CFLAR: variants seen among roughly 807,000 people sequenced by gnomAD.
The protein encoded by CFLAR is CASP8 and FADD-like apoptosis regulator.
Under a neutral mutation model 51.1 loss-of-function variants are expected in CFLAR, and 14 were observed. That is an observed-to-expected ratio of 0.27 (90% confidence interval 0.18 to 0.43). CFLAR has a LOEUF of 0.43. CFLAR is among the 20% of genes least tolerant of loss of function. CFLAR has a pLI of 1.00. For synonymous variants in CFLAR, 210 were observed against 211.6 expected, an observed-to-expected ratio of 0.99 and a Z score of 0.06; for missense variants, 390 against 566.5, an observed-to-expected ratio of 0.69 and a Z score of 3.16.
At chr2:201,161,738 CTTTTTTTTTTTT>C (rs3044256) in intron 9 of CFLAR, among the ~76,000 whole-genome samples, 10 of 101,270 alleles carry the variant, frequency 9.9e-5, no homozygotes, top group South Asian at 4.1e-4. Context: ...TTTAATTTTT[CTTTTTTTTTTTT>C]TTTTTTTTTT....
In CFLAR at chr2:201,164,127, T is replaced by C; in HGVS notation, c.*154T>C. 1.8e-6 allele frequency: 1 copy of C among 545,760 alleles called. No homozygotes were observed. The highest frequency in any genetic ancestry group is 3.2e-6 in the Non-Finnish European group (1 of 316,464). 33.8% of individuals were successfully genotyped at this position (545,760 alleles called of 1,614,324 possible). ...TAAAAATACAAAAATTAGCTGGGTG[T>C]GGGTGTGGGTACCTGTATTCCCAGT... On this transcript the variant is annotated 3_prime_UTR_variant, in exon 10 of 10. Transcript: ENST00000309955.
At chr2:201,122,119 C>T (rs1200793025) in intron 1 of CFLAR, among the ~76,000 whole-genome samples, 1 of 152,234 alleles carries the variant, frequency 6.6e-6, no homozygotes, top group Non-Finnish European at 1.5e-5. Context: ...ACTCAGGCAG[C>T]TTGACCTGTT....
intron 3 of CFLAR, among the ~76,000 whole-genome samples, chr2:201,134,145 C>A (rs1187414013): frequency 6.6e-6 from 1 of 151,036 alleles, no homozygotes; most frequent in East Asian, 2.0e-4. Flanking sequence ...TCCGTCTCTA[C>A]TAAAAATACA....
At position 201,161,738 on chromosome 2, in the gene CFLAR, CTTTTTTTTTT is replaced by C. The variant is rs3044256; in HGVS notation, c.1304+812_1304+821del. 4.4e-4 allele frequency among the ~76,000 whole-genome samples: 45 copies of C among 101,272 alleles called. No homozygotes were observed. The South Asian group carries it at 0.011, about 26-fold the overall frequency. The allele number at this position is 101,272 out of a possible 152,430, so 66.4% of individuals were successfully genotyped here. ...CCACAAATTTTTATTTTTAATTTTT[CTTTTTTTTTT>C]TTTTTTTTTTTTTTTGAGACAGAGT... On this transcript the variant is annotated intron_variant, in intron 9 of 9. Coordinates refer to ENST00000309955, the MANE Select transcript of CFLAR (RefSeq NM_003879.7).
Position 201,174,860 on chromosome 2 carries a change from C to A in CFLAR, c.*10887C>A, listed in dbSNP as rs1404614030. ...GACCACAAGACCCTGTAAGACCCTG[C>A]TGATAAGACAGGATGTGGTAGAAAG... On this transcript the variant is annotated 3_prime_UTR_variant, in exon 10 of 10. Coordinates refer to ENST00000309955, the MANE Select transcript of CFLAR (RefSeq NM_003879.7). The A allele has an allele frequency of 6.6e-6, 1 of 152,202 alleles. No individual in the cohort carries two copies. The highest frequency in any genetic ancestry group is 2.4e-5 in the African/African-American group (1 of 41,444). The allele number at this position is 152,202 out of a possible 1,614,324, so 9.4% of individuals were successfully genotyped here.
At chr2:201,161,733 TTTTTC>T (rs1396801657) in intron 9 of CFLAR, among the ~76,000 whole-genome samples, 1 of 80,548 alleles carries the variant, frequency 1.2e-5, no homozygotes, top group Non-Finnish European at 2.5e-5. Flanking sequence ...TTATTTTTAA[TTTTTC>T]TTTTTTTTTT....
At position 201,138,447 on chromosome 2, in the gene CFLAR, A is replaced by G. The variant is rs7573256; in HGVS notation, c.524-1910A>G. 166,955 of 850,946 alleles carry G rather than the reference A, an allele frequency of 0.2. 19,559 individuals are homozygous for G. Among genetic ancestry groups the G allele is most frequent in the African/African-American group, 0.42 (25,703 of 60,478 alleles). The allele number at this position is 850,946 out of a possible 1,614,324, so 52.7% of individuals were successfully genotyped here. A position where few individuals can be genotyped will look rare whatever the true frequency, so the allele number is the denominator to read the frequency against. On this transcript the variant is annotated intron_variant, in intron 4 of 9. Coordinates refer to ENST00000309955, the MANE Select transcript of CFLAR (RefSeq NM_003879.7). The surrounding 1 kb of genome is among the most constrained non-coding windows in gnomAD (Gnocchi z 4.0). ...TTGACGATAGGCAGCTTCCTTTCTT[A>G]CTAAGCTGCAGGATCTCATTTGCCT... is the stretch of plus-strand genomic sequence containing the variant.
At chr2:201,146,323 T>C (rs1940158764) in intron 6 of CFLAR, 1 of 152,132 alleles carries the variant, frequency 6.6e-6, no homozygotes, top group Non-Finnish European at 1.5e-5. Flanking sequence ...ATTTTTGTAT[T>C]TTTAGTAGAG....
At chr2:201,150,844 A>G (rs144956874) in intron 8 of CFLAR, among the ~76,000 whole-genome samples, 9 of 152,284 alleles carry the variant, frequency 5.9e-5, no homozygotes, top group Non-Finnish European at 1.3e-4. Flanking sequence ...GTCAGGAGGA[A>G]ATGAAATGGA....
chr2:201,136,228 C>A, intron 4 of CFLAR, 121 bp downstream of exon 4: 1 of 1,608,024 alleles, frequency 6.2e-7, no homozygotes, highest in East Asian at 2.2e-5. Flanking sequence ...ATGACCAAAG[C>A]CTCCTTTAGC....
intron 9 of CFLAR, chr2:201,163,500 A>G (rs1575976417): frequency 1.8e-6 from 2 of 1,134,908 alleles, no homozygotes; most frequent in South Asian, 5.1e-5. Flanking sequence ...GGGTTAGAGC[A>G]GGAGCCACTC....
Position 201,133,026 on chromosome 2 carries a change from C to T in CFLAR, c.282-3C>T. On this transcript the variant is annotated splice_region_variant and splice_polypyrimidine_tract_variant and intron_variant, in intron 2 of 9. Coordinates refer to ENST00000309955, the MANE Select transcript of CFLAR (RefSeq NM_003879.7). Reference sequence around the variant, plus strand: ...TAACTAAATGAACTTGTCTGGTTTGCAGAGTGCTGATGGCAGAGATTGGTG... The same window carrying T: ...TAACTAAATGAACTTGTCTGGTTTGTAGAGTGCTGATGGCAGAGATTGGTG... The T allele has an allele frequency of 6.2e-7, 1 of 1,606,200 alleles. No homozygotes were observed. The highest frequency in any genetic ancestry group is 8.5e-7 in the Non-Finnish European group (1 of 1,173,352).
intron 2 of CFLAR, chr2:201,132,659 G>C (rs988171601): frequency 9.9e-5 from 17 of 171,104 alleles, no homozygotes; most frequent in Non-Finnish European, 2.0e-4. Flanking sequence ...AACAGAGAAG[G>C]CTACTTCAAA....
intron 8 of CFLAR, among the ~76,000 whole-genome samples, chr2:201,155,417 A>G (rs1055917690): frequency 2.0e-5 from 3 of 151,926 alleles, no homozygotes; most frequent in Non-Finnish European, 4.4e-5. Flanking sequence ...GGCACCCGCC[A>G]TCATGCCCGG....
Position 201,168,221 on chromosome 2 carries a change from G to T in CFLAR, c.*4248G>T, listed in dbSNP as rs374689868. The T allele has an allele frequency of 6.6e-6, 1 of 152,104 alleles. No individual in the cohort carries two copies. Among genetic ancestry groups the T allele is most frequent in the Admixed American group, 6.6e-5 (1 of 15,256 alleles). 9.4% of individuals were successfully genotyped at this position (152,104 alleles called of 1,614,324 possible). A position where few individuals can be genotyped will look rare whatever the true frequency, so the allele number is the denominator to read the frequency against. ...CTTGCCACTGCACTCCAGCCTGGGC[G>T]ACAGTGCGAGACTCTGTCTCAAAAA... is the stretch of plus-strand genomic sequence containing the variant. On this transcript the variant is annotated 3_prime_UTR_variant, in exon 10 of 10. Transcript: ENST00000309955.
intron 4 of CFLAR, chr2:201,136,551 G>C: frequency 6.8e-7 from 1 of 1,479,184 alleles, no homozygotes. Flanking sequence ...ATGGAAAAGA[G>C]CACATTCGAT....
chr2:201,117,540 G>A (rs1389405384), intron 1 of CFLAR, among the ~76,000 whole-genome samples: 1 of 152,082 alleles, frequency 6.6e-6, no homozygotes, highest in African/African-American at 2.4e-5. Flanking sequence ...AACCAGTAGG[G>A]GGATAGCGTA....
chr2:201,160,314 C>T (rs950861760), intron 8 of CFLAR, 118 bp from the exon 9 acceptor site: 8 of 1,124,536 alleles, frequency 7.1e-6, no homozygotes. Context: ...CAAAATATGA[C>T]ACAAAAGCAG....
intron 1 of CFLAR, chr2:201,129,245 C>G (rs930838407): frequency 2.0e-5 from 3 of 152,476 alleles, no homozygotes; most frequent in African/African-American, 7.2e-5. Flanking sequence ...ACAGAAACTT[C>G]TTTTCTCCAT....
Sources: allele counts gnomAD v4.1 joint callset (sites outside exome capture counted in the v4.1 genomes callset), GRCh38; gene constraint gnomAD v4.1.1; non-coding constraint Gnocchi (gnomAD v3.1); transcripts MANE v1.5; gene names NCBI Gene and HGNC (gene_info 2026-07-23, HGNC 2026-07-21).